Variants in MICU1 observed in about 807,000 individuals in gnomAD.
MICU1 encodes mitochondrial calcium uptake 1, also known as calcium uptake protein 1, mitochondrial.
A neutral mutation model predicts 56.8 loss-of-function variants in MICU1; 45 were observed. The ratio of observed to expected loss-of-function variants is 0.79; its 90% CI spans 0.62 to 1.02. The LOEUF is 1.02. Ranked by LOEUF, MICU1 falls within the 50% of genes least tolerant of loss-of-function variation. The probability of loss-of-function intolerance (pLI) is 0.00; values close to 1 mark genes in which losing one functional copy is unlikely to be tolerated. For synonymous variants in MICU1, 186 were observed against 195.1 expected (o/e 0.95, Z 0.39); for missense variants, 504 against 587.1 (o/e 0.86, Z 1.46).
intron 11 of MICU1, among the ~76,000 whole-genome samples, chr10:72,373,975 T>G (rs1862431847): frequency 6.6e-6 from 1 of 152,236 alleles, no homozygotes; most frequent in Admixed American, 6.5e-5. Context: ...CACATGTGCC[T>G]TGGTGGTATC....
intron 9 of MICU1, among the ~76,000 whole-genome samples, chr10:72,408,462 T>C (rs11813515): frequency 0.072 from 10,879 of 152,076 alleles, 1,335 homozygotes; most frequent in African/African-American, 0.25. Flanking sequence ...GTGCACACCA[T>C]CACGCCTGGT....
chr10:72,503,388 T>C (rs1187186478), intron 6 of MICU1, among the ~76,000 whole-genome samples: 5 of 152,136 alleles, frequency 3.3e-5, no homozygotes, highest in South Asian at 2.1e-4. Flanking sequence ...CCCCAGCACA[T>C]AGACGACATT....
chr10:72,377,549 T>C (rs1862566005), intron 10 of MICU1, among the ~76,000 whole-genome samples: 1 of 152,218 alleles, frequency 6.6e-6, no homozygotes, highest in African/African-American at 2.4e-5. Flanking sequence ...CTAGCAATTA[T>C]GTTAGAATTG....
intron 4 of MICU1, among the ~76,000 whole-genome samples, chr10:72,534,400 C>T (rs1291933096): frequency 6.6e-6 from 1 of 152,038 alleles, no homozygotes; most frequent in Non-Finnish European, 1.5e-5. Context: ...GCTTTATCCC[C>T]AGCATTTAGA....
intron 9 of MICU1, among the ~76,000 whole-genome samples, chr10:72,412,627 G>C (rs548278841): frequency 2.0e-5 from 3 of 151,998 alleles, no homozygotes; most frequent in Non-Finnish European, 2.9e-5. Context: ...GAGGCGGCTC[G>C]ATCACCTGAG....
At chr10:72,418,604 T>C (rs1025671837) in intron 9 of MICU1, among the ~76,000 whole-genome samples, 2 of 152,152 alleles carry the variant, frequency 1.3e-5, no homozygotes, top group African/African-American at 4.8e-5. Flanking sequence ...TGGTCATTAA[T>C]TTATATGCAA....
chr10:72,531,876 A>C (rs1219421482), intron 5 of MICU1, among the ~76,000 whole-genome samples: 2 of 151,766 alleles, frequency 1.3e-5, no homozygotes, highest in African/African-American at 4.8e-5. Flanking sequence ...TCATTACATA[A>C]GGTTTTATTT....
chr10:72,514,542 A>G (rs965325619), intron 5 of MICU1, among the ~76,000 whole-genome samples: 1 of 152,110 alleles, frequency 6.6e-6, no homozygotes, highest in Admixed American at 6.6e-5. Context: ...TCTTGTAAAG[A>G]CCTGTGACCT....
intron 7 of MICU1, 51 bp from the exon 8 acceptor site, chr10:72,475,348 C>T: frequency 1.4e-6 from 2 of 1,443,480 alleles, no homozygotes; most frequent in African/African-American, 1.4e-5. Context: ...AGTGAGAAAA[C>T]ATAAACATAG....
intron 10 of MICU1, among the ~76,000 whole-genome samples, chr10:72,404,553 AAAAG>A (rs1025043776): frequency 1.3e-5 from 2 of 148,638 alleles, no homozygotes; most frequent in Admixed American, 6.6e-5. Flanking sequence ...ATTTTTTTAA[AAAAG>A]AAAGAGAATT....
At chr10:72,554,538 C>T (rs12412815) in intron 3 of MICU1, among the ~76,000 whole-genome samples, 66,236 of 151,996 alleles carry the variant, frequency 0.44, 18,234 homozygotes, top group Non-Finnish European at 0.63. Flanking sequence ...TGCATTCTGT[C>T]ACTTGTAGAT....
intron 1 of MICU1, among the ~76,000 whole-genome samples, chr10:72,589,245 C>T (rs533748111): frequency 1.6e-4 from 25 of 151,526 alleles, no homozygotes; most frequent in African/African-American, 5.1e-4. Flanking sequence ...GCCGAGATTG[C>T]GTCACTGCAC....
chr10:72,416,271 T>C (rs1863980716), intron 9 of MICU1, among the ~76,000 whole-genome samples: 4 of 152,124 alleles, frequency 2.6e-5, no homozygotes, highest in Admixed American at 1.3e-4. Flanking sequence ...TAGTACTCCT[T>C]TGGGGGAAGT....
chr10:72,417,192 C>T (rs1329513555), intron 9 of MICU1, among the ~76,000 whole-genome samples: 2 of 152,190 alleles, frequency 1.3e-5, no homozygotes, highest in East Asian at 3.9e-4. Flanking sequence ...GTGGCTCACG[C>T]CTGTAATCCC....
At chr10:72,509,258 C>A in intron 5 of MICU1, 2 of 583,532 alleles carry the variant, frequency 3.4e-6, no homozygotes, top group Non-Finnish European at 2.6e-6. Context: ...ACCAATAAAG[C>A]ACAATCAAAG....
chr10:72,448,260 C>T (rs1490670231), intron 8 of MICU1, among the ~76,000 whole-genome samples: 5 of 140,250 alleles, frequency 3.6e-5, no homozygotes, highest in African/African-American at 7.9e-5. Flanking sequence ...CTGCAACCTC[C>T]GCCTCCTGGT....
At chr10:72,457,693 G>GGAGAGGGAGAGAGAGAAAGAGTGGGGA (rs1865514619) in intron 8 of MICU1, among the ~76,000 whole-genome samples, 2 of 151,878 alleles carry the variant, frequency 1.3e-5, no homozygotes, top group African/African-American at 4.8e-5. Flanking sequence ...GGGGTGGGAG[G>GGAGAGGGAGAGAGAGAAAGAGTGGGGA]GAGAGGGAGA....
At chr10:72,582,498 G>C (rs1004298882) in intron 1 of MICU1, among the ~76,000 whole-genome samples, 2 of 152,180 alleles carry the variant, frequency 1.3e-5, no homozygotes, top group African/African-American at 4.8e-5. Context: ...CCAGCATTTT[G>C]GGAGGCCAAG....
chr10:72,563,248 T>C (rs1451897153), intron 2 of MICU1, among the ~76,000 whole-genome samples, 185 bp from the exon 3 acceptor site: 1 of 152,120 alleles, frequency 6.6e-6, no homozygotes, highest in Non-Finnish European at 1.5e-5. Context: ...CCCAAAGAAA[T>C]GAAAGGGTCT....
Sources: allele counts gnomAD v4.1 joint callset (sites outside exome capture counted in the v4.1 genomes callset), GRCh38; gene constraint gnomAD v4.1.1; transcripts MANE v1.5; gene names NCBI Gene and HGNC (gene_info 2026-07-23, HGNC 2026-07-21).